The following KIF24 variants were observed in gnomAD, a reference collection of about 807,000 sequenced individuals.
The protein encoded by KIF24 is kinesin family member 24, also known as kinesin-like protein KIF24.
In KIF24, 81 loss-of-function variants were observed where a neutral mutation model predicts 118.9. The ratio of observed to expected loss-of-function variants is 0.68; its 90% CI spans 0.57 to 0.82. The LOEUF (loss-of-function observed/expected upper bound fraction) is 0.82. KIF24 is among the 40% of genes least tolerant of loss of function. The pLI is 0.00. For synonymous variants in KIF24, 599 were observed against 610.0 expected (o/e 0.98, Z 0.27); for missense variants, 1,560 against 1,661.6 (o/e 0.94, Z 1.06).
At chr9:34,302,730 G>A (rs1244784288) in intron 3 of KIF24, among the ~76,000 whole-genome samples, 2 of 150,890 alleles carry the variant, frequency 1.3e-5, no homozygotes, top group African/African-American at 4.9e-5. Context: ...TCCTCCCAAA[G>A]TGCTGGGATT....
intron 5 of KIF24, 49 bp from the exon 6 acceptor site, chr9:34,286,753 T>C (rs1456572273): frequency 1.6e-6 from 2 of 1,286,254 alleles, no homozygotes; most frequent in Non-Finnish European, 2.3e-6. Context: ...TAAAACAGAC[T>C]TTGTTCTTGC....
Position 34,318,731 on chromosome 9 carries a change from G to A in KIF24, c.-25-7360C>T, listed in dbSNP as rs762429473. 51 of 1,505,162 alleles carry A rather than the reference G, an allele frequency of 3.4e-5. No individual in the cohort carries two copies. Among genetic ancestry groups the A allele is most frequent in the South Asian group, 4.7e-5 (4 of 85,740 alleles). The allele number at this position is 1,505,162 out of a possible 1,614,324, so 93.2% of individuals were successfully genotyped here. On this transcript the variant is annotated intron_variant, in intron 1 of 12. Transcript: ENST00000402558. This position sits in a 1 kb window ranked among gnomAD's most constrained non-coding sequence, Gnocchi z 4.9. Reference sequence around the variant, plus strand: ...GCTGAGCGACGAGGAGGTGCACGCCGGCGTGGGCGAGCCGCTGCGTTCACT... The same window carrying A: ...GCTGAGCGACGAGGAGGTGCACGCCAGCGTGGGCGAGCCGCTGCGTTCACT...
At chr9:34,260,623 A>C (rs1563935450) in intron 9 of KIF24, among the ~76,000 whole-genome samples, 1 of 152,178 alleles carries the variant, frequency 6.6e-6, no homozygotes, top group Non-Finnish European at 1.5e-5. Flanking sequence ...TGGAATTCTT[A>C]TGTTTTAATT....
chr9:34,271,724 G>C, intron 7 of KIF24, 85 bp downstream of exon 7: 1 of 1,432,230 alleles, frequency 7.0e-7, no homozygotes, highest in Non-Finnish European at 9.6e-7. Context: ...CATGGTAGCA[G>C]GGTATCCTGT....
Position 34,318,667 on chromosome 9 carries a change from C to T in KIF24, c.-25-7296G>A. On this transcript the variant is annotated intron_variant, in intron 1 of 12. Coordinates refer to ENST00000402558, the MANE Select transcript of KIF24 (RefSeq NM_194313.4). The surrounding 1 kb of genome is among the most constrained non-coding windows in gnomAD (Gnocchi z 4.9). Reference sequence around the variant, plus strand: ...TCGTGTCGCTGGGCGGCAAGGCGACCACGGCGTCGGAGGCCAAGGCAGTGC... The same window carrying T: ...TCGTGTCGCTGGGCGGCAAGGCGACTACGGCGTCGGAGGCCAAGGCAGTGC... The T allele has an allele frequency of 6.5e-7, 1 of 1,541,202 alleles. No individual in the cohort carries two copies. The highest frequency in any genetic ancestry group is 8.8e-7 in the Non-Finnish European group (1 of 1,136,232).
rs565477112 is a variant in KIF24 at position 34,321,557 on chromosome 9, T to C, written c.-26+7549A>G. 3.4e-5 allele frequency among the ~76,000 whole-genome samples: 3 copies of C among 89,214 alleles called. No individual in the cohort carries two copies. The South Asian group carries it at 1.7e-3, about 51-fold the overall frequency. The allele number at this position is 89,214 out of a possible 152,430, so 58.5% of individuals were successfully genotyped here. A position where few individuals can be genotyped will look rare whatever the true frequency, so the allele number is the denominator to read the frequency against. ...CAAAACAGGCACAGTGATCTACCGA[T>C]AGCATTAAAAAAAAAAAAAAAGCTA... On this transcript the variant is annotated intron_variant, in intron 1 of 12. Transcript: ENST00000402558.
In KIF24 at chr9:34,297,104, TA is replaced by T. The variant is rs1245234575; in HGVS notation, c.823del (p.Tyr275IlefsTer17). ...CGCCTCACCAAAGACTTCATCAAAA[TA>T]AAAAACATGCTGAAAAATAAATTTG... ...LTQYILQHVF[Y>X]FDEVFGEACT... On this transcript the variant is annotated frameshift_variant, in exon 4 of 13. Transcript: ENST00000402558. LOFTEE classifies it high-confidence loss of function. 2 of 1,562,158 alleles carry T rather than the reference TA, an allele frequency of 1.3e-6. No homozygotes were observed. The highest frequency in any genetic ancestry group is 1.7e-6 in the Non-Finnish European group (2 of 1,145,620).
intron 6 of KIF24, chr9:34,282,729 A>C (rs185031314): frequency 6.6e-6 from 1 of 152,174 alleles, no homozygotes; most frequent in Non-Finnish European, 1.5e-5. Context: ...GATCTTAGCC[A>C]AAAGACTGAG....
rs1837412251 is a variant in KIF24 at position 34,318,694 on chromosome 9, G to T, written c.-25-7323C>A. 5 of 1,534,800 alleles carry T rather than the reference G, an allele frequency of 3.3e-6. No individual in the cohort carries two copies. The highest frequency in any genetic ancestry group is 4.4e-6 in the Non-Finnish European group (5 of 1,129,874). ...CGGCGTCGGAGGCCAAGGCAGTGCT[G>T]AGTGCCAAGCAGCTGAGCGACGAGG... On this transcript the variant is annotated intron_variant, in intron 1 of 12. Coordinates refer to ENST00000402558, the MANE Select transcript of KIF24 (RefSeq NM_194313.4). This position sits in a 1 kb window ranked among gnomAD's most constrained non-coding sequence, Gnocchi z 4.9.
rs904612947 is a variant in KIF24 at position 34,318,857 on chromosome 9, C to T, written c.-25-7486G>A. The T allele has an allele frequency of 2.5e-6, 4 of 1,601,908 alleles. No homozygotes were observed. Among genetic ancestry groups the T allele is most frequent in the Non-Finnish European group, 3.4e-6 (4 of 1,171,444 alleles). ...TGATGACTTCGTGCGCAGCAGCAAGCAGCACTACAACTGCGAGCACTCCAA... is the reference window on the plus strand; with the variant it reads ...TGATGACTTCGTGCGCAGCAGCAAGTAGCACTACAACTGCGAGCACTCCAA... On this transcript the variant is annotated intron_variant, in intron 1 of 12. Transcript: ENST00000402558. The surrounding 1 kb of genome is among the most constrained non-coding windows in gnomAD (Gnocchi z 4.9).
At chr9:34,313,883 G>A (rs774904074) in intron 1 of KIF24, among the ~76,000 whole-genome samples, 153 of 151,330 alleles carry the variant, frequency 1.0e-3, no homozygotes, top group South Asian at 1.5e-3. Flanking sequence ...AACTAGCTGG[G>A]ACTACAGGTG....
At chr9:34,312,812 C>G (rs879884095) in intron 1 of KIF24, among the ~76,000 whole-genome samples, 5 of 152,212 alleles carry the variant, frequency 3.3e-5, no homozygotes, top group Non-Finnish European at 7.3e-5. Context: ...ATTCTCCTGT[C>G]TCAGCCTCCT....
intron 1 of KIF24, among the ~76,000 whole-genome samples, chr9:34,312,919 G>C (rs1473985336): frequency 6.6e-6 from 1 of 152,122 alleles, no homozygotes. Flanking sequence ...GGCTGGTCTC[G>C]AACTCCTGAC....
chr9:34,318,248 A>G lies in KIF24; in HGVS notation c.-25-6877T>C, dbSNP rs1450853669. On this transcript the variant is annotated intron_variant, in intron 1 of 12. Transcript: ENST00000402558. This position sits in a 1 kb window ranked among gnomAD's most constrained non-coding sequence, Gnocchi z 4.9. ...TAGGTAACCCTCAGCTATAAGTTGT[A>G]AAAGTTACATAGAAATAGGCTATAG... 6.6e-6 allele frequency among the ~76,000 whole-genome samples: 1 copy of G among 152,222 alleles called. No homozygotes were observed.
chr9:34,310,306 T>G (rs1294959974), intron 2 of KIF24, among the ~76,000 whole-genome samples: 1 of 152,206 alleles, frequency 6.6e-6, no homozygotes, highest in Non-Finnish European at 1.5e-5. Context: ...ACAAAGCATC[T>G]TTAAGTCTCC....
At position 34,254,321 on chromosome 9, in the gene KIF24, C is replaced by A; in HGVS notation, c.*59G>T. The stretch of plus-strand genomic sequence containing the variant: ...GAGGACCTGGCAGAGGCTCCTCCAG[C>A]CTGAGAGCCCAGCACAGACTCCTGC... On this transcript the variant is annotated 3_prime_UTR_variant, in exon 13 of 13. Coordinates refer to ENST00000402558, the MANE Select transcript of KIF24 (RefSeq NM_194313.4). 1 of 1,509,790 alleles carries A rather than the reference C, an allele frequency of 6.6e-7. No homozygotes were observed. The highest frequency in any genetic ancestry group is 1.3e-5 in the South Asian group (1 of 76,886). 93.5% of individuals were successfully genotyped at this position (1,509,790 alleles called of 1,614,324 possible). A position where few individuals can be genotyped will look rare whatever the true frequency, so the allele number is the denominator to read the frequency against.
intron 3 of KIF24, among the ~76,000 whole-genome samples, chr9:34,304,051 T>C (rs963339929): frequency 5.9e-5 from 9 of 152,158 alleles, no homozygotes; most frequent in Non-Finnish European, 1.0e-4. Context: ...AATGGTTTGG[T>C]AGGATAGCAT....
chr9:34,263,250 A>C, intron 8 of KIF24, 78 bp from the exon 9 acceptor site: 1 of 1,035,894 alleles, frequency 9.7e-7, no homozygotes, highest in Non-Finnish European at 1.5e-6. Flanking sequence ...CTCCACAGGA[A>C]GCTTGTTTTT....
chr9:34,273,080 C>G (rs973739447), intron 6 of KIF24, among the ~76,000 whole-genome samples: 10 of 151,402 alleles, frequency 6.6e-5, no homozygotes, highest in African/African-American at 2.4e-4. Flanking sequence ...AAGACCCTGT[C>G]TCAAAAAAAT....
Sources: allele counts gnomAD v4.1 joint callset (sites outside exome capture counted in the v4.1 genomes callset), GRCh38; gene constraint gnomAD v4.1.1; non-coding constraint Gnocchi (gnomAD v3.1); transcripts MANE v1.5; gene names NCBI Gene and HGNC (gene_info 2026-07-23, HGNC 2026-07-21).